GFRA1: variants seen among roughly 807,000 people sequenced by gnomAD.
GFRA1 encodes GDNF family receptor alpha 1.
Under a neutral mutation model 51.6 loss-of-function variants are expected in GFRA1, and 16 were observed. The ratio of observed to expected loss-of-function variants is 0.31; its 90% CI spans 0.21 to 0.47. GFRA1 has a LOEUF of 0.47. Ranked by LOEUF, GFRA1 falls within the 20% of genes least tolerant of loss-of-function variation. The pLI is 1.00. For synonymous variants in GFRA1, 270 were observed against 241.3 expected, an observed-to-expected ratio of 1.12 and a Z score of -1.10; for missense variants, 530 against 594.3, an observed-to-expected ratio of 0.89 and a Z score of 1.13.
intron 6 of GFRA1, among the ~76,000 whole-genome samples, chr10:116,112,508 C>G (rs2694811): frequency 1.3e-5 from 2 of 152,164 alleles, no homozygotes; most frequent in African/African-American, 4.8e-5. Flanking sequence ...CCAGAGGTTG[C>G]CCTGTGGCAC....
Position 116,270,827 on chromosome 10 carries a change from A to G in GFRA1, c.329T>C (p.Leu110Pro). 6.2e-7 allele frequency: 1 copy of G among 1,612,146 alleles called. No individual in the cohort carries two copies. The highest frequency in any genetic ancestry group is 8.5e-7 in the Non-Finnish European group (1 of 1,178,886). Residue 110 changes from leucine (L) to proline (P), a missense_variant, in exon 3 of 11, where the codon CTG becomes CCG. Transcript: ENST00000355422. ...LRIYWSMYQS[L>P]QGNDLLEDSP... Reference sequence around the variant, plus strand: ...TGGGGAGGTTCCACGCGTACCCTGCAGGCTCTGGTACATGCTCCAGTAAAT... The same window carrying G: ...TGGGGAGGTTCCACGCGTACCCTGCGGGCTCTGGTACATGCTCCAGTAAAT...
rs568318805 is a variant in GFRA1, at chr10:116,193,793, C to A, written c.433+17838G>T. On this transcript the variant is annotated intron_variant, in intron 5 of 10. Transcript: ENST00000355422. ...GGCTCATGGGCCGGGCGCGGTGGCT[C>A]ATGCCTGTAATCCCAGCACTTTGGG... Among the ~76,000 whole-genome samples, 41 of 152,034 alleles carry A rather than the reference C, an allele frequency of 2.7e-4. 1 individual carries two copies. The highest frequency in any genetic ancestry group is 8.7e-4 in the African/African-American group (36 of 41,498).
intron 2 of GFRA1, 35 bp from the exon 3 acceptor site, chr10:116,271,150 G>T: frequency 6.4e-7 from 1 of 1,568,122 alleles, no homozygotes; most frequent in Non-Finnish European, 8.7e-7. Context: ...TGAGTGCGGC[G>T]GGCGGGGACC....
Position 116,114,993 on chromosome 10 carries a change from C to T in GFRA1, c.770+10228G>A, listed in dbSNP as rs182087633. 3.7e-3 allele frequency among the ~76,000 whole-genome samples: 559 copies of T among 152,262 alleles called. 3 individuals are homozygous for T. The highest frequency in any genetic ancestry group is 1.0e-2 in the South Asian group (48 of 4,824). On this transcript the variant is annotated intron_variant, in intron 6 of 10. Transcript: ENST00000355422. ...AACTAACAAAACCATAATGCAAGCC[C>T]AGGTCTGCCTAACTCGCAAACGCTT...
intron 4 of GFRA1, among the ~76,000 whole-genome samples, chr10:116,263,428 A>C (rs1969433397): frequency 3.3e-5 from 5 of 152,218 alleles, no homozygotes; most frequent in Admixed American, 2.6e-4. Context: ...TTTTACACCC[A>C]TGGAACCTGA....
chr10:116,267,853 T>C (rs1391627113), intron 4 of GFRA1, among the ~76,000 whole-genome samples: 1 of 152,034 alleles, frequency 6.6e-6, no homozygotes, highest in South Asian at 2.1e-4. Flanking sequence ...GGAGTGGAAA[T>C]TATTGGCATT....
chr10:116,164,537 T>G (rs1015666232), intron 5 of GFRA1, among the ~76,000 whole-genome samples: 3 of 152,156 alleles, frequency 2.0e-5, no homozygotes, highest in African/African-American at 7.2e-5. Context: ...TCAGTTAAAT[T>G]AATGCCCAAG....
chr10:116,214,278 T>G (rs554608254), intron 4 of GFRA1, among the ~76,000 whole-genome samples: 31 of 152,334 alleles, frequency 2.0e-4, no homozygotes, highest in African/African-American at 7.2e-4. Flanking sequence ...GAGTAATTTG[T>G]GCGTGTTGCA....
chr10:116,249,734 A>T (rs530077921), intron 4 of GFRA1, among the ~76,000 whole-genome samples: 1 of 152,278 alleles, frequency 6.6e-6, no homozygotes, highest in South Asian at 2.1e-4. Flanking sequence ...CATTCAACAA[A>T]TATCTACTCA....
At chr10:116,178,306 GC>G (rs771505924) in intron 5 of GFRA1, among the ~76,000 whole-genome samples, 20 of 149,216 alleles carry the variant, frequency 1.3e-4, no homozygotes, top group East Asian at 4.0e-4. Context: ...GGCCGGGGGG[GC>G]GTTTTACTCC....
chr10:116,268,295 T>C (rs1435184914), intron 4 of GFRA1, among the ~76,000 whole-genome samples: 1 of 152,198 alleles, frequency 6.6e-6, no homozygotes, highest in Non-Finnish European at 1.5e-5. Context: ...TATTCATCTA[T>C]AAAATGGAAA....
intron 4 of GFRA1, among the ~76,000 whole-genome samples, chr10:116,238,086 T>C (rs1376757912): frequency 6.6e-6 from 1 of 152,188 alleles, no homozygotes; most frequent in Non-Finnish European, 1.5e-5. Context: ...TCGTTTTTAC[T>C]CTGTGTTTTA....
intron 5 of GFRA1, among the ~76,000 whole-genome samples, chr10:116,194,066 T>TAAAAAAAAAAAAAAA (rs1051845471): frequency 7.4e-5 from 2 of 27,002 alleles, no homozygotes; most frequent in Non-Finnish European, 1.7e-4. Flanking sequence ...AAATAAAATT[T>TAAAAAAAAAAAAAAA]AAAAAAAAAA....
chr10:116,125,548 A>G lies in GFRA1; in HGVS notation c.443T>C (p.Ile148Thr). 1 of 1,613,000 alleles carries G rather than the reference A, an allele frequency of 6.2e-7. No individual in the cohort carries two copies. Residue 148 changes from isoleucine to threonine, a missense_variant, in exon 6 of 11, where the codon ATT (isoleucine) becomes ACT (threonine). Transcript: ENST00000355422. ...ISDVFQQVEH[I>T]PKGNNCLDAA... Reference sequence around the variant, plus strand: ...ATCCAGGCAGTTGTTCCCTTTGGGAATGTGCTCCACTGCAAATGCAGAGAA... The same window carrying G: ...ATCCAGGCAGTTGTTCCCTTTGGGAGTGTGCTCCACTGCAAATGCAGAGAA...
intron 7 of GFRA1, 37 bp from the exon 8 acceptor site, chr10:116,093,873 G>T: frequency 6.2e-7 from 1 of 1,608,950 alleles, no homozygotes; most frequent in Non-Finnish European, 8.5e-7. Flanking sequence ...ATTGTTGTAT[G>T]ATGATACTTT....
At chr10:116,202,460 C>T (rs1191679027) in intron 5 of GFRA1, among the ~76,000 whole-genome samples, 1 of 152,054 alleles carries the variant, frequency 6.6e-6, no homozygotes, top group Non-Finnish European at 1.5e-5. Context: ...TCTGCCTCTC[C>T]CCACACACAC....
At chr10:116,153,366 T>C (rs1484859699) in intron 5 of GFRA1, among the ~76,000 whole-genome samples, 1 of 152,220 alleles carries the variant, frequency 6.6e-6, no homozygotes, top group Non-Finnish European at 1.5e-5. Context: ...AGTAGGTTTG[T>C]GCACGTGAGG....
In GFRA1 at chr10:116,155,548, A is replaced by T. The variant is rs140098894; in HGVS notation, c.434-29991T>A. 2.8e-4 allele frequency among the ~76,000 whole-genome samples: 43 copies of T among 152,326 alleles called. 1 individual carries two copies. Among genetic ancestry groups the T allele is most frequent in the African/African-American group, 9.9e-4 (41 of 41,584 alleles). On this transcript the variant is annotated intron_variant, in intron 5 of 10. Transcript: ENST00000355422. The stretch of plus-strand genomic sequence containing the variant: ...ATACATATTAATGGAATTTTTTTAA[A>T]TTATAAAAGATGATTGTACATATCA...
chr10:116,135,447 C>T (rs1316335420), intron 5 of GFRA1, among the ~76,000 whole-genome samples: 4 of 152,056 alleles, frequency 2.6e-5, no homozygotes, highest in South Asian at 2.1e-4. Flanking sequence ...TACTGAAAAC[C>T]GAATCAAGTT....
Sources: gnomAD v4.1 joint callset for allele counts (sites outside exome capture counted in the v4.1 genomes callset) on GRCh38, gnomAD v4.1.1 for gene constraint, MANE v1.5 for transcripts, NCBI Gene and HGNC (gene_info 2026-07-23, HGNC 2026-07-21) for gene names.